The following CHODL variants were observed in gnomAD, a reference collection of about 807,000 sequenced individuals.
The protein encoded by CHODL is transmembrane protein MT75.
In CHODL, 29 loss-of-function variants were observed where a neutral mutation model predicts 34.5. The observed-to-expected ratio is 0.84, with a 90% CI of 0.63 to 1.15. The LOEUF is 1.15. Ranked by LOEUF, CHODL falls within the 50% of genes most tolerant of loss-of-function variation. The pLI, the probability that CHODL is intolerant of heterozygous loss-of-function variation, is 0.00. For synonymous variants in CHODL, 125 were observed against 116.1 expected (o/e 1.08, Z -0.49); for missense variants, 332 against 332.5 (o/e 1.00, Z 0.01).
intron 1 of CHODL, among the ~76,000 whole-genome samples, chr21:18,008,038 G>A (rs1181052484): frequency 6.6e-6 from 1 of 152,046 alleles, no homozygotes; most frequent in Non-Finnish European, 1.5e-5. Flanking sequence ...AAACAATCAT[G>A]GGAGTTATTG....
At chr21:18,211,571 G>A (rs1017206164) in intron 2 of CHODL, among the ~76,000 whole-genome samples, 2 of 152,202 alleles carry the variant, frequency 1.3e-5, no homozygotes, top group Admixed American at 6.5e-5. Context: ...GAGACCCACA[G>A]GTTTCAAGAT....
rs536675754 is a variant in CHODL at position 18,216,287 on chromosome 21, A to G, written c.-44-40222A>G. ...TATCATTTCTTTGTGATGAGAACAT[A>G]CCAAATCTTTTCTTCTAGCTATTTT... On this transcript the variant is annotated intron_variant, in intron 2 of 6. Coordinates refer to the CHODL transcript ENST00000400127. Among the ~76,000 whole-genome samples, 10 of 152,318 alleles carry G rather than the reference A, an allele frequency of 6.6e-5. No individual in the cohort carries two copies. In the South Asian group the frequency reaches 1.9e-3, roughly 28 times the overall value.
chr21:18,039,906 A>G (rs2064354919), intron 2 of CHODL, among the ~76,000 whole-genome samples: 1 of 151,806 alleles, frequency 6.6e-6, no homozygotes, highest in Non-Finnish European at 1.5e-5. Context: ...ACATTTATAT[A>G]GATATTAGTT....
Position 18,051,935 on chromosome 21 carries a change from A to C in CHODL, c.-45+23964A>C, listed in dbSNP as rs149223774. 5.4e-4 allele frequency among the ~76,000 whole-genome samples: 82 copies of C among 152,136 alleles called. No homozygotes were observed. In the East Asian group the frequency reaches 7.8e-3, roughly 14 times the overall value. ...GAGAGGTCAGGAAAATAAATTGTGCACATGAAAAGGCAAAACATATGACAG... is the reference window on the plus strand; with the variant it reads ...GAGAGGTCAGGAAAATAAATTGTGCCCATGAAAAGGCAAAACATATGACAG... On this transcript the variant is annotated intron_variant, in intron 2 of 6. Transcript: ENST00000400127.
chr21:17,953,125 A>G (rs570287046), intron 1 of CHODL, among the ~76,000 whole-genome samples: 1 of 152,324 alleles, frequency 6.6e-6, no homozygotes, highest in East Asian at 1.9e-4. Context: ...AAAATAATAT[A>G]AGATTTACAT....
chr21:17,969,708 T>C (rs916764804), intron 1 of CHODL, among the ~76,000 whole-genome samples: 2 of 152,258 alleles, frequency 1.3e-5, no homozygotes, highest in African/African-American at 2.4e-5. Context: ...GGAGATACAG[T>C]GTGGTATTTT....
rs1491471971 is a variant in CHODL, at chr21:18,108,836, GTT to G, written c.-45+80866_-45+80867del. On this transcript the variant is annotated intron_variant, in intron 2 of 6. Transcript: ENST00000400127. ...TTTCTCAGATTCTCTTCTTTGCAAT[GTT>G]GTGTGTGTGTGTGTGTGTGTGTGTG... is the stretch of plus-strand genomic sequence containing the variant. Among the ~76,000 whole-genome samples the G allele has an allele frequency of 8.5e-3, 926 of 109,052 alleles. 5 individuals carry two copies. Among genetic ancestry groups the G allele is most frequent in the East Asian group, 0.034 (147 of 4,388 alleles). The allele number at this position is 109,052 out of a possible 152,430, so 71.5% of individuals were successfully genotyped here. A position where few individuals can be genotyped will look rare whatever the true frequency, so the allele number is the denominator to read the frequency against.
chr21:18,160,301 G>A (rs2073081053), intron 2 of CHODL, among the ~76,000 whole-genome samples: 1 of 152,136 alleles, frequency 6.6e-6, no homozygotes, highest in African/African-American at 2.4e-5. Flanking sequence ...TATTTTGGGG[G>A]TAAAAGAGTA....
chr21:17,940,866 C>T (rs140792926), intron 1 of CHODL, among the ~76,000 whole-genome samples: 64 of 152,226 alleles, frequency 4.2e-4, no homozygotes, highest in Admixed American at 2.7e-3. Context: ...ACTGAATGGT[C>T]GTATCTGTAA....
At chr21:17,967,701 A>G (rs2063583285) in intron 1 of CHODL, among the ~76,000 whole-genome samples, 1 of 152,090 alleles carries the variant, frequency 6.6e-6, no homozygotes, top group Non-Finnish European at 1.5e-5. Context: ...GGAGGAGTGC[A>G]AAAAAGTGCA....
At chr21:18,185,194 A>G (rs774937705) in intron 2 of CHODL, among the ~76,000 whole-genome samples, 2 of 151,858 alleles carry the variant, frequency 1.3e-5, no homozygotes, top group Non-Finnish European at 2.9e-5. Context: ...CCTGGCAGGC[A>G]CTAGTGTGTG....
intron 2 of CHODL, among the ~76,000 whole-genome samples, chr21:18,079,198 C>T (rs1361607319): frequency 6.6e-6 from 1 of 151,824 alleles, no homozygotes; most frequent in Non-Finnish European, 1.5e-5. Flanking sequence ...TTGTTTAGCT[C>T]CCATTTATAA....
chr21:17,970,075 C>T (rs985392855), intron 1 of CHODL, among the ~76,000 whole-genome samples: 10 of 152,224 alleles, frequency 6.6e-5, no homozygotes, highest in Non-Finnish European at 1.2e-4. Context: ...TATTCACTCT[C>T]GTTTCTTTCT....
chr21:18,081,408 C>T lies in CHODL; in HGVS notation c.-45+53437C>T, dbSNP rs193078804. On this transcript the variant is annotated intron_variant, in intron 2 of 6. Transcript: ENST00000400127. ...AGAGTGGTGAAAGTGGGGCTGGGTGCGGTGGCTCACATCTGTAATCCCAGC... is the reference window on the plus strand; with the variant it reads ...AGAGTGGTGAAAGTGGGGCTGGGTGTGGTGGCTCACATCTGTAATCCCAGC... Among the ~76,000 whole-genome samples, 8 of 152,168 alleles carry T rather than the reference C, an allele frequency of 5.3e-5. No homozygotes were observed. The East Asian group carries it at 5.8e-4, about 11-fold the overall frequency.
intron 1 of CHODL, among the ~76,000 whole-genome samples, chr21:17,989,429 A>G (rs1022007337): frequency 1.3e-5 from 2 of 152,192 alleles, no homozygotes; most frequent in African/African-American, 4.8e-5. Flanking sequence ...CTATCCTCAC[A>G]TATATCCACA....
chr21:18,068,877 A>G (rs761439342), intron 2 of CHODL, among the ~76,000 whole-genome samples: 2 of 151,994 alleles, frequency 1.3e-5, no homozygotes, highest in Non-Finnish European at 2.9e-5. Context: ...TTAATCTGCT[A>G]CAGTTTCTTA....
At chr21:17,983,911 GT>G (rs201801430) in intron 1 of CHODL, among the ~76,000 whole-genome samples, 26 of 80,552 alleles carry the variant, frequency 3.2e-4, no homozygotes, top group Middle Eastern at 9.1e-3. Flanking sequence ...AAGTGTGTGT[GT>G]GGGGGGGGTG....
chr21:18,220,817 A>G (rs2073875981), intron 2 of CHODL, among the ~76,000 whole-genome samples: 1 of 151,482 alleles, frequency 6.6e-6, no homozygotes, highest in African/African-American at 2.4e-5. Flanking sequence ...TGCTGTTTTT[A>G]GAATTATCTT....
chr21:18,185,266 T>TG (rs1331794610), intron 2 of CHODL, among the ~76,000 whole-genome samples: 3 of 152,186 alleles, frequency 2.0e-5, no homozygotes, highest in African/African-American at 7.2e-5. Context: ...AGTGACAACA[T>TG]GCAGTGTTTG....
Sources: gnomAD v4.1 joint callset for allele counts (sites outside exome capture counted in the v4.1 genomes callset) on GRCh38, gnomAD v4.1.1 for gene constraint, MANE v1.5 for transcripts, NCBI Gene and HGNC (gene_info 2026-07-23, HGNC 2026-07-21) for gene names.